HTR2C: variants seen among roughly 807,000 people sequenced by gnomAD.
HTR2C encodes the protein 5-hydroxytryptamine (serotonin) receptor 2C, G protein-coupled.
A neutral mutation model predicts 21.0 loss-of-function variants in HTR2C; 5 were observed. The observed-to-expected ratio is 0.24, with a 90% CI of 0.12 to 0.50. The LOEUF is 0.50. Ranked by LOEUF, HTR2C falls within the 20% of genes least tolerant of loss-of-function variation. HTR2C has a pLI of 0.98. For missense variants in HTR2C, 271 were observed against 371.2 expected, an observed-to-expected ratio of 0.73 and a Z score of 2.22; for synonymous variants, 150 against 145.3, an observed-to-expected ratio of 1.03 and a Z score of -0.23.
intron 2 of HTR2C, among the ~76,000 whole-genome samples, chrX:114,664,735 C>A (rs972220479): frequency 6.3e-5 from 7 of 111,471 alleles, no homozygotes; most frequent in Admixed American, 3.8e-4. Context: ...GGTATATACC[C>A]AGTAATGGGA....
At chrX:114,784,194 A>G (rs1382517522) in intron 4 of HTR2C, among the ~76,000 whole-genome samples, 2 of 111,196 alleles carry the variant, frequency 1.8e-5, no homozygotes, top group African/African-American at 6.5e-5. Context: ...AGAGAAAAAA[A>G]AAAGAAAGAG....
intron 1 of HTR2C, among the ~76,000 whole-genome samples, chrX:114,591,849 T>C (rs1441634046): frequency 8.9e-6 from 1 of 111,888 alleles, no homozygotes; most frequent in Non-Finnish European, 1.9e-5. Context: ...AAATAAGTAC[T>C]GTTAGACAGT....
chrX:114,867,744 A>AAAAAG (rs2071057449), intron 5 of HTR2C, among the ~76,000 whole-genome samples: 1 of 112,018 alleles, frequency 8.9e-6, no homozygotes, highest in African/African-American at 3.2e-5. Context: ...TTTTCCCAGC[A>AAAAAG]CCAGTTATTG....
At chrX:114,749,228 C>T (rs936923047) in intron 4 of HTR2C, among the ~76,000 whole-genome samples, 2 of 109,009 alleles carry the variant, frequency 1.8e-5, no homozygotes, top group South Asian at 3.9e-4. Flanking sequence ...GCAGGAGGAT[C>T]GCTTGAGCCC....
chrX:114,870,012 C>T (rs1268587701), intron 5 of HTR2C, among the ~76,000 whole-genome samples: 1 of 111,479 alleles, frequency 9.0e-6, no homozygotes, highest in East Asian at 2.8e-4. Flanking sequence ...GGATGAATCC[C>T]ATTTGGTCAT....
chrX:114,712,063 A>G (rs1409088275), intron 2 of HTR2C, among the ~76,000 whole-genome samples: 1 of 112,044 alleles, frequency 8.9e-6, no homozygotes, highest in Admixed American at 9.6e-5. Flanking sequence ...ATGATTTACT[A>G]CTTAAGAACA....
At chrX:114,673,157 A>T in intron 2 of HTR2C, among the ~76,000 whole-genome samples, 1 of 112,327 alleles carries the variant, frequency 8.9e-6, no homozygotes, top group Non-Finnish European at 1.9e-5. Context: ...CGAAAGCAGT[A>T]ATACACTCTG....
intron 4 of HTR2C, among the ~76,000 whole-genome samples, chrX:114,822,152 A>G (rs1369019744): frequency 9.0e-6 from 1 of 111,720 alleles, no homozygotes; most frequent in Non-Finnish European, 1.9e-5. Flanking sequence ...TGGCAAGATT[A>G]AATATACTTT....
At chrX:114,805,937 T>TACAC (rs2070418294) in intron 4 of HTR2C, among the ~76,000 whole-genome samples, 16 of 18,915 alleles carry the variant, frequency 8.5e-4, no homozygotes, top group Non-Finnish European at 1.5e-3. Flanking sequence ...ACCATATATA[T>TACAC]ACCATATATA....
rs1418847245 is a variant in HTR2C, at chrX:114,877,803, TTG to T, written c.551-28783_551-28782del. ...GTTATTAATTTTTAGTTTCATACCA[TTG>T]TGGTCAGAAAATGTATTTGATACAA... On this transcript the variant is annotated intron_variant, in intron 5 of 5. Transcript: ENST00000276198. 2.7e-5 allele frequency among the ~76,000 whole-genome samples: 3 copies of T among 110,927 alleles called. No individual in the cohort carries two copies. In the East Asian group the frequency reaches 8.4e-4, roughly 31 times the overall value.
chrX:114,903,592 C>T (rs1309439093), intron 5 of HTR2C, among the ~76,000 whole-genome samples: 2 of 111,994 alleles, frequency 1.8e-5, no homozygotes, highest in African/African-American at 6.5e-5. Context: ...TCTTGCTGTC[C>T]CTTGACAAGG....
At position 114,864,565 on chromosome X, in the gene HTR2C, A is replaced by T. The variant is rs1042193132; in HGVS notation, c.550+16362A>T. Among the ~76,000 whole-genome samples the T allele has an allele frequency of 5.1e-4, 57 of 111,283 alleles. 2 individuals are homozygous for T. Among genetic ancestry groups the T allele is most frequent in the Non-Finnish European group, 2.8e-4 (15 of 52,910 alleles). ...TAGCAATGCGTATAATTTATACAGTATTGAAGTATCCTGGATTTGACTATT... is the reference window on the plus strand; with the variant it reads ...TAGCAATGCGTATAATTTATACAGTTTTGAAGTATCCTGGATTTGACTATT... On this transcript the variant is annotated intron_variant, in intron 5 of 5. Coordinates refer to ENST00000276198, the MANE Select transcript of HTR2C (RefSeq NM_000868.4).
At chrX:114,604,181 G>A (rs1208092791) in intron 1 of HTR2C, among the ~76,000 whole-genome samples, 1 of 109,308 alleles carries the variant, frequency 9.1e-6, no homozygotes, top group Non-Finnish European at 1.9e-5. Flanking sequence ...ACGCAAAGGA[G>A]GCTTTGGATT....
chrX:114,771,482 C>A (rs1252714170), intron 4 of HTR2C, among the ~76,000 whole-genome samples: 1 of 111,505 alleles, frequency 9.0e-6, no homozygotes. Flanking sequence ...TGTGGGAGGT[C>A]ACACCTTCAA....
rs140152669 is a variant in HTR2C at position 114,635,916 on chromosome X, A to C, written c.-80+22035A>C. On this transcript the variant is annotated intron_variant, in intron 2 of 5. Coordinates refer to ENST00000276198, the MANE Select transcript of HTR2C (RefSeq NM_000868.4). ...CTAATTGGATTAGAACCATGTTTTCATTCCCTGTGATGGTAATGCAACCCT... is the reference window on the plus strand; with the variant it reads ...CTAATTGGATTAGAACCATGTTTTCCTTCCCTGTGATGGTAATGCAACCCT... Among the ~76,000 whole-genome samples, 31 of 111,360 alleles carry C rather than the reference A, an allele frequency of 2.8e-4. No homozygotes were observed. In the East Asian group the frequency reaches 8.5e-3, roughly 31 times the overall value.
intron 3 of HTR2C, among the ~76,000 whole-genome samples, chrX:114,728,695 A>AG (rs1915194811): frequency 9.0e-6 from 1 of 111,325 alleles, no homozygotes; most frequent in African/African-American, 3.3e-5. Flanking sequence ...ATTAAAAAAA[A>AG]ATTTTCTGAC....
At chrX:114,686,700 T>C (rs1003814173) in intron 2 of HTR2C, among the ~76,000 whole-genome samples, 29 of 111,046 alleles carry the variant, frequency 2.6e-4, no homozygotes, top group African/African-American at 9.1e-4. Flanking sequence ...AAAAAATTTT[T>C]TTAAATAACA....
intron 2 of HTR2C, among the ~76,000 whole-genome samples, chrX:114,701,762 C>T (rs782292210): frequency 1.8e-5 from 2 of 111,673 alleles, no homozygotes; most frequent in South Asian, 3.7e-4. Context: ...CAAACTACTC[C>T]GAGCTACAGG....
At chrX:114,740,071 T>C (rs1281250344) in intron 4 of HTR2C, among the ~76,000 whole-genome samples, 4 of 109,783 alleles carry the variant, frequency 3.6e-5, no homozygotes, top group Non-Finnish European at 1.9e-5. Context: ...TTCATGCCAC[T>C]ACACTCCAGC....
Sources: gnomAD v4.1 joint callset for allele counts (sites outside exome capture counted in the v4.1 genomes callset) on GRCh38, gnomAD v4.1.1 for gene constraint, MANE v1.5 for transcripts, NCBI Gene and HGNC (gene_info 2026-07-23, HGNC 2026-07-21) for gene names.